KMT2C: variants seen among roughly 807,000 people sequenced by gnomAD.
KMT2C encodes histone-lysine N-methyltransferase 2C.
KMT2C carries 88 observed loss-of-function variants against 507.9 expected under a neutral mutation model. The observed-to-expected ratio is 0.17, with a 90% CI of 0.15 to 0.21. The LOEUF (loss-of-function observed/expected upper bound fraction) is 0.21, where lower values mean the gene tolerates loss of function less well. Ranked by LOEUF, KMT2C falls within the 10% of genes least tolerant of loss-of-function variation. The pLI, the probability that KMT2C is intolerant of heterozygous loss-of-function variation, is 1.00. For synonymous variants in KMT2C, 2,049 were observed against 2,080.8 expected, an observed-to-expected ratio of 0.98 and a Z score of 0.42; for missense variants, 4,954 against 5,957.8, an observed-to-expected ratio of 0.83 and a Z score of 5.55.
rs553387171 is a variant in KMT2C at position 152,176,654 on chromosome 7, C to T, written c.8799G>A (p.Arg2933=). 5.0e-6 allele frequency: 8 copies of T among 1,614,156 alleles called. No individual in the cohort carries two copies. In the East Asian group the frequency reaches 1.6e-4, roughly 31 times the overall value. ...TTGGTGGTGGTGGAGACCCCGATGG[C>T]CTAATGTCTGAATTATCAGATTTCT... ...ANEKSDNSDI[R]PSGSPPPPTL... The change falls in exon 38 of 59, where the codon AGG becomes AGA. Residue 2933 remains arginine (R), a synonymous_variant. Transcript: ENST00000262189.
At chr7:152,185,773 A>G (rs996333056) in intron 33 of KMT2C, 142 bp from the exon 34 acceptor site, 43 of 575,598 alleles carry the variant, frequency 7.5e-5, no homozygotes, top group Non-Finnish European at 1.5e-5. Flanking sequence ...TAAGTTTTTT[A>G]CAAAGAACAA....
chr7:152,233,213 TTTTA>T (rs2095175232), intron 16 of KMT2C, among the ~76,000 whole-genome samples: 1 of 152,212 alleles, frequency 6.6e-6, no homozygotes, highest in Non-Finnish European at 1.5e-5. Flanking sequence ...GACCCACTGT[TTTTA>T]TTTTATAATT....
Position 152,157,660 on chromosome 7 carries a change from A to G in KMT2C, c.11670+1203T>C, listed in dbSNP as rs953417846. The G allele has an allele frequency of 1.0e-5, 7 of 701,054 alleles. No homozygotes were observed. In the African/African-American group the frequency reaches 1.4e-4, roughly 14 times the overall value. 43.4% of individuals were successfully genotyped at this position (701,054 alleles called of 1,614,324 possible). A position where few individuals can be genotyped will look rare whatever the true frequency, so the allele number is the denominator to read the frequency against. ...GAACTTAAGTTTTAATAAAACTTGG[A>G]AGAGTAGATGTAAACTAAATACAAA... is the stretch of plus-strand genomic sequence containing the variant. On this transcript the variant is annotated intron_variant, in intron 44 of 58. Transcript: ENST00000262189.
chr7:152,202,318 T>C (rs2094169009), intron 26 of KMT2C, among the ~76,000 whole-genome samples: 1 of 152,230 alleles, frequency 6.6e-6, no homozygotes, highest in Non-Finnish European at 1.5e-5. Context: ...ATTTCTAATA[T>C]TGAGCTGTTT....
rs2097287997 is a variant in KMT2C at position 152,370,775 on chromosome 7, GAGGCCAAATCC to G, written c.162-12111_162-12101del. Among the ~76,000 whole-genome samples, 11 of 152,340 alleles carry G rather than the reference GAGGCCAAATCC, an allele frequency of 7.2e-5. No individual in the cohort carries two copies. In the South Asian group the frequency reaches 2.3e-3, roughly 32 times the overall value. ...TCACTGGTCAGCAAACTACGGTCCA[GAGGCCAAATCC>G]AGTCCTGTACTTGGTCTTTGTAATA... is the stretch of plus-strand genomic sequence containing the variant. On this transcript the variant is annotated intron_variant, in intron 1 of 58. Transcript: ENST00000262189.
intron 31 of KMT2C, among the ~76,000 whole-genome samples, chr7:152,191,750 T>C (rs1324914025): frequency 6.6e-6 from 1 of 152,238 alleles, no homozygotes. Context: ...TTTTGCTTCC[T>C]TAAACAATGC....
intron 9 of KMT2C, among the ~76,000 whole-genome samples, chr7:152,258,197 G>A (rs554201321): frequency 6.6e-6 from 1 of 152,300 alleles, no homozygotes; most frequent in South Asian, 2.1e-4. Flanking sequence ...ACACCAAAAA[G>A]TATGAAGTGT....
intron 2 of KMT2C, among the ~76,000 whole-genome samples, chr7:152,349,213 A>G (rs1050667816): frequency 6.6e-6 from 1 of 152,184 alleles, no homozygotes; most frequent in Non-Finnish European, 1.5e-5. Context: ...TGGGAGGCTG[A>G]GGCGGGTGGA....
intron 7 of KMT2C, among the ~76,000 whole-genome samples, chr7:152,272,952 A>G (rs2096005205): frequency 6.6e-6 from 1 of 152,162 alleles, no homozygotes; most frequent in Admixed American, 6.5e-5. Context: ...ATTGAATAAA[A>G]TATCATGGAG....
intron 31 of KMT2C, among the ~76,000 whole-genome samples, chr7:152,190,260 G>A (rs1194284757): frequency 6.6e-6 from 1 of 152,136 alleles, no homozygotes; most frequent in Non-Finnish European, 1.5e-5. Context: ...GTAATTAGGA[G>A]AAACAAGAGT....
chr7:152,321,159 A>G (rs1397010522), intron 3 of KMT2C, among the ~76,000 whole-genome samples: 1 of 151,892 alleles, frequency 6.6e-6, no homozygotes, highest in African/African-American at 2.4e-5. Flanking sequence ...GCTTGAACCT[A>G]GGAGGTGGTG....
chr7:152,429,962 G>A (rs2097851274), intron 1 of KMT2C, among the ~76,000 whole-genome samples: 1 of 151,966 alleles, frequency 6.6e-6, no homozygotes, highest in Non-Finnish European at 1.5e-5. Flanking sequence ...CAGATCACCT[G>A]AGGTCAGGAG....
rs3735156 is a variant in KMT2C, at chr7:152,251,983, C to G, written c.1577G>C (p.Arg526Pro). 76,358 of 1,612,278 alleles carry G rather than the reference C, an allele frequency of 0.047. 9,481 individuals are homozygous for G. The highest frequency in any genetic ancestry group is 0.46 in the African/African-American group (34,746 of 74,854). Residue 526 changes from arginine to proline, a missense_variant, in exon 11 of 59, where the codon CGT becomes CCT. Arg to Pro is a moderately radical substitution (Grantham distance 103). Around this residue, in one of 29 missense-constraint regions of KMT2C, gnomAD observed 376 missense variants for 352.4 expected, o/e 1.07. Coordinates refer to ENST00000262189, the MANE Select transcript of KMT2C (RefSeq NM_170606.3). ...CTCCACTTCCTCACCTGGCTGTAAA[C>G]GATCCATCTCAGCTCCCAGGTGTTT... ...YCKHLGAEMD[R>P]LQPGEEVEIA...
At chr7:152,227,620 C>A (rs1436143978) in intron 18 of KMT2C, among the ~76,000 whole-genome samples, 2 of 152,170 alleles carry the variant, frequency 1.3e-5, no homozygotes, top group African/African-American at 4.8e-5. Flanking sequence ...CAGCAGAGTA[C>A]AATCAATGGC....
At chr7:152,330,053 A>G (rs1221226381) in intron 3 of KMT2C, among the ~76,000 whole-genome samples, 1 of 148,976 alleles carries the variant, frequency 6.7e-6, no homozygotes, top group Non-Finnish European at 1.5e-5. Context: ...CTGAGGCAGA[A>G]GACTCTCTTG....
intron 4 of KMT2C, among the ~76,000 whole-genome samples, chr7:152,314,110 G>A: frequency 6.6e-6 from 1 of 152,020 alleles, no homozygotes; most frequent in East Asian, 1.9e-4. Context: ...TCCAAATATA[G>A]TACTTCTAAG....
At chr7:152,259,170 C>A (rs543031144) in intron 9 of KMT2C, among the ~76,000 whole-genome samples, 8 of 152,020 alleles carry the variant, frequency 5.3e-5, no homozygotes, top group Non-Finnish European at 1.0e-4. Context: ...ATACCAATGA[C>A]AAAAACTAAA....
chr7:152,158,617 G>C (rs2092250061), intron 44 of KMT2C, among the ~76,000 whole-genome samples: 1 of 151,694 alleles, frequency 6.6e-6, no homozygotes, highest in Non-Finnish European at 1.5e-5. Flanking sequence ...CCAGGCTCAA[G>C]CAATTCTCGT....
At chr7:152,411,825 C>T (rs2097687859) in intron 1 of KMT2C, among the ~76,000 whole-genome samples, 1 of 152,294 alleles carries the variant, frequency 6.6e-6, no homozygotes, top group African/African-American at 2.4e-5. Context: ...GTTTTAACAT[C>T]ATTTTGCATC....
Sources: gnomAD v4.1 joint callset for allele counts (sites outside exome capture counted in the v4.1 genomes callset) on GRCh38, gnomAD v4.1.1 for gene constraint, gnomAD v4.1.1 regional missense constraint, MANE v1.5 for transcripts, NCBI Gene and HGNC (gene_info 2026-07-23, HGNC 2026-07-21) for gene names.